Variants in RC3H1 observed in about 807,000 individuals in gnomAD.
The protein encoded by RC3H1 is ring finger and CCCH-type domains 1, also known as roquin-1.
In RC3H1, 50 loss-of-function variants were observed where a neutral mutation model predicts 138.2. The ratio of observed to expected loss-of-function variants is 0.36; its 90% CI spans 0.29 to 0.46. RC3H1 has a LOEUF of 0.46. RC3H1 is among the 20% of genes least tolerant of loss of function. The probability of loss-of-function intolerance (pLI) is 1.00; values close to 1 mark genes in which losing one functional copy is unlikely to be tolerated. For missense variants in RC3H1, 1,031 were observed against 1,388.1 expected (o/e 0.74, Z 4.09); for synonymous variants, 462 against 489.1 (o/e 0.94, Z 0.73).
chr1:174,017,783 C>CAAAAAAAA (rs61239660), intron 1 of RC3H1, among the ~76,000 whole-genome samples: 800 of 71,950 alleles, frequency 0.011, 107 homozygotes, highest in East Asian at 0.091. Flanking sequence ...TTTTCTTGCT[C>CAAAAAAAA]AAAAAAAAAA....
chr1:173,943,304 A>G, intron 18 of RC3H1, 138 bp downstream of exon 18: 1 of 735,106 alleles, frequency 1.4e-6, no homozygotes, highest in Non-Finnish European at 2.1e-6. Context: ...AAGGTAGCCC[A>G]CCTGCATGAG....
At chr1:173,962,165 T>G in intron 11 of RC3H1, 70 bp from the exon 12 acceptor site, 1 of 1,376,130 alleles carries the variant, frequency 7.3e-7, no homozygotes, top group Non-Finnish European at 9.9e-7. Context: ...AGATTTTACC[T>G]TTTAAAATAC....
At chr1:173,970,382 G>C in intron 9 of RC3H1, 123 bp downstream of exon 9, 2 of 729,784 alleles carry the variant, frequency 2.7e-6, no homozygotes, top group East Asian at 5.3e-5. Context: ...TGTTCAAGCT[G>C]TGTTACATTC....
At chr1:173,947,874 C>T (rs1659202444) in intron 14 of RC3H1, among the ~76,000 whole-genome samples, 1 of 151,962 alleles carries the variant, frequency 6.6e-6, no homozygotes, top group Non-Finnish European at 1.5e-5. Context: ...TCCTAGGTAG[C>T]TGGGACTACA....
At chr1:173,956,490 T>C (rs1287943907) in intron 13 of RC3H1, among the ~76,000 whole-genome samples, 1 of 151,538 alleles carries the variant, frequency 6.6e-6, no homozygotes, top group African/African-American at 2.4e-5. Flanking sequence ...AGAAACCCCA[T>C]CTCTACTAAA....
chr1:173,988,325 C>T (rs1009945526), intron 2 of RC3H1, among the ~76,000 whole-genome samples: 5 of 152,180 alleles, frequency 3.3e-5, no homozygotes, highest in African/African-American at 1.2e-4. Flanking sequence ...TGGAATCATA[C>T]AGTATGTGGC....
At chr1:173,981,440 A>G (rs764553043) in intron 5 of RC3H1, among the ~76,000 whole-genome samples, 5 of 152,218 alleles carry the variant, frequency 3.3e-5, no homozygotes, top group African/African-American at 7.2e-5. Flanking sequence ...TTGTATAGTC[A>G]ATCTGTATGT....
In RC3H1 at chr1:173,938,645, G is replaced by C; in HGVS notation, c.*76C>G. Reference sequence around the variant, plus strand: ...GACCGCTCTTAAGAGAAAAAGTTTAGAAGTTATGCGTTCTCCTACCCCTAT... The same window carrying C: ...GACCGCTCTTAAGAGAAAAAGTTTACAAGTTATGCGTTCTCCTACCCCTAT... On this transcript the variant is annotated 3_prime_UTR_variant, in exon 20 of 20. Transcript: ENST00000367696. 8.9e-7 allele frequency: 1 copy of C among 1,121,468 alleles called. No individual in the cohort carries two copies. Among genetic ancestry groups the C allele is most frequent in the Non-Finnish European group, 1.2e-6 (1 of 810,782 alleles). 69.5% of individuals were successfully genotyped at this position (1,121,468 alleles called of 1,614,324 possible). A position where few individuals can be genotyped will look rare whatever the true frequency, so the allele number is the denominator to read the frequency against.
intron 17 of RC3H1, among the ~76,000 whole-genome samples, chr1:173,944,267 A>G (rs1659037696): frequency 6.6e-6 from 1 of 152,164 alleles, no homozygotes; most frequent in African/African-American, 2.4e-5. Flanking sequence ...TTTTCTCTGA[A>G]GTAAATCCTA....
At chr1:173,979,889 C>A (rs373199463) in intron 6 of RC3H1, among the ~76,000 whole-genome samples, 3 of 151,918 alleles carry the variant, frequency 2.0e-5, no homozygotes, top group Admixed American at 2.0e-4. Flanking sequence ...AATTATGTAC[C>A]GCCTTTTTAT....
chr1:174,003,438 T>G (rs1469311310), intron 1 of RC3H1, among the ~76,000 whole-genome samples: 1 of 150,338 alleles, frequency 6.7e-6, no homozygotes, highest in Non-Finnish European at 1.5e-5. Context: ...GAATCATCCT[T>G]GACTACTCTC....
chr1:173,989,399 T>A (rs1661167275), intron 2 of RC3H1, among the ~76,000 whole-genome samples: 1 of 152,198 alleles, frequency 6.6e-6, no homozygotes, highest in African/African-American at 2.4e-5. Context: ...GATGGGGTTT[T>A]GCCATGTTGC....
In RC3H1 at chr1:173,982,910, A is replaced by T. The variant is rs777325124; in HGVS notation, c.593-8T>A. The T allele has an allele frequency of 1.3e-6, 2 of 1,597,584 alleles. No homozygotes were observed. The highest frequency in any genetic ancestry group is 2.3e-5 in the South Asian group (2 of 87,952). On this transcript the variant is annotated splice_polypyrimidine_tract_variant and splice_region_variant and intron_variant, in intron 4 of 19. Transcript: ENST00000367696. The stretch of plus-strand genomic sequence containing the variant: ...AAGCTTCCTCCTGCATTGCTAGGGA[A>T]AGTTGGGCAAAACCAAAATTTATCA...
chr1:173,940,435 C>A (rs1359432016), intron 19 of RC3H1, among the ~76,000 whole-genome samples: 1 of 152,028 alleles, frequency 6.6e-6, no homozygotes, highest in African/African-American at 2.4e-5. Flanking sequence ...CGTGCCATTG[C>A]ACTCCAGCCT....
At chr1:173,942,926 T>C (rs906527119) in intron 18 of RC3H1, among the ~76,000 whole-genome samples, 1 of 152,170 alleles carries the variant, frequency 6.6e-6, no homozygotes, top group Non-Finnish European at 1.5e-5. Flanking sequence ...AATGAATGTC[T>C]GTGCACTATG....
At chr1:173,984,651 G>A (rs1178754232) in intron 2 of RC3H1, 32 bp from the exon 3 acceptor site, 2 of 1,598,194 alleles carry the variant, frequency 1.3e-6, no homozygotes, top group Admixed American at 1.8e-5. Flanking sequence ...CTGTATGAGT[G>A]CTCAATTCAT....
chr1:173,978,592 C>T lies in RC3H1; in HGVS notation c.998G>A (p.Ser333Asn). The part of the protein sequence containing the change: ...KLQTPASFAQ[S>N]VQELTIALQR... Reference sequence around the variant, plus strand: ...GAGAGCAATTGTTAGTTCCTGAACACTCTGTGCAAAAGAGGCTGGAGTCTG... The same window carrying T: ...GAGAGCAATTGTTAGTTCCTGAACATTCTGTGCAAAAGAGGCTGGAGTCTG... The change falls in exon 7 of 20, where the codon AGT becomes AAT. Residue 333 changes from serine (S) to asparagine (N), a missense_variant. Around this residue, in one of 7 missense-constraint regions of RC3H1, gnomAD observed 142 missense variants for 224.6 expected, o/e 0.63. Transcript: ENST00000367696. The T allele has an allele frequency of 1.2e-6, 2 of 1,613,946 alleles. No homozygotes were observed. The highest frequency in any genetic ancestry group is 1.7e-6 in the Non-Finnish European group (2 of 1,179,904).
intron 18 of RC3H1, 78 bp from the exon 19 acceptor site, chr1:173,941,458 CA>C (rs778122236): frequency 1.6e-5 from 13 of 815,816 alleles, no homozygotes; most frequent in Non-Finnish European, 2.1e-5. Flanking sequence ...ACAGATAATA[CA>C]AAGTGATGAT....
At chr1:174,004,258 T>C (rs1305989519) in intron 1 of RC3H1, among the ~76,000 whole-genome samples, 1 of 151,632 alleles carries the variant, frequency 6.6e-6, no homozygotes, top group Non-Finnish European at 1.5e-5. Flanking sequence ...ACTATAGGTG[T>C]GCACCAACAC....
Sources: allele counts gnomAD v4.1 joint callset (sites outside exome capture counted in the v4.1 genomes callset), GRCh38; gene constraint gnomAD v4.1.1; regional missense constraint gnomAD v4.1.1; transcripts MANE v1.5; gene names NCBI Gene and HGNC (gene_info 2026-07-23, HGNC 2026-07-21).